IGSF22: variants seen among roughly 807,000 people sequenced by gnomAD.
IGSF22 encodes the protein immunoglobulin superfamily member 22.
A neutral mutation model predicts 127.0 loss-of-function variants in IGSF22; 119 were observed. The ratio of observed to expected loss-of-function variants is 0.94; its 90% CI spans 0.81 to 1.09. IGSF22 has a LOEUF of 1.09. Ranked by LOEUF, IGSF22 falls within the 50% of genes least tolerant of loss-of-function variation. The pLI, the probability that IGSF22 is intolerant of heterozygous loss-of-function variation, is 0.00. For synonymous variants in IGSF22, 568 were observed against 664.7 expected, an observed-to-expected ratio of 0.85 and a Z score of 2.24; for missense variants, 1,518 against 1,716.6, an observed-to-expected ratio of 0.88 and a Z score of 2.04.
chr11:18,717,938 T>G lies in IGSF22; in HGVS notation c.966A>C (p.Thr322=). 6.2e-7 allele frequency: 1 copy of G among 1,613,876 alleles called. No homozygotes were observed. Residue 322 remains threonine, a synonymous_variant, in exon 9 of 23, where the codon ACA becomes ACC. Transcript: ENST00000513874. ...GCATGCCCCCACTCATACCCAGCAC[T>G]GTGAGCTCTGCACTCATCCGCTTAT... is the stretch of plus-strand genomic sequence containing the variant. ...VGDKRMSAEL[T]VLDEPLKFLG...
rs374750877 is a variant in IGSF22 at position 18,712,224 on chromosome 11, G to A, written c.2256C>T (p.Gly752=). The change falls in exon 15 of 23, where the codon GGC becomes GGT. Residue 752 remains glycine, a synonymous_variant. Coordinates refer to ENST00000513874, the MANE Select transcript of IGSF22 (RefSeq NM_173588.4). ...AVGKKSWIKI[G]EVDGKVTNFS... ...AGTTGGTGACTTTGCCGTCCACCTC[G>A]CCTATCTTAATCCAGGACTTCTTGC... The A allele has an allele frequency of 9.8e-5, 152 of 1,551,504 alleles. 1 individual carries two copies. Among genetic ancestry groups the A allele is most frequent in the Middle Eastern group, 6.7e-4 (4 of 6,014 alleles).
intron 2 of IGSF22, 64 bp downstream of exon 2, chr11:18,724,064 G>A: frequency 7.4e-7 from 1 of 1,346,712 alleles, no homozygotes; most frequent in Non-Finnish European, 1.1e-6. Context: ...GGCCACCCAA[G>A]GGATGGGTGT....
chr11:18,719,957 C>G (rs1467089062), intron 6 of IGSF22, 64 bp from the exon 7 acceptor site: 2 of 1,610,632 alleles, frequency 1.2e-6, no homozygotes, highest in Admixed American at 3.3e-5. Context: ...GAAACCCCTC[C>G]CTACTCCATG....
chr11:18,725,196 C>T (rs1244305572), intron 1 of IGSF22, among the ~76,000 whole-genome samples: 1 of 151,944 alleles, frequency 6.6e-6, no homozygotes. Context: ...TGGGTGATCT[C>T]GGCTCATTGC....
chr11:18,708,121 G>C, intron 19 of IGSF22, 86 bp downstream of exon 19: 3 of 1,509,614 alleles, frequency 2.0e-6, no homozygotes, highest in Non-Finnish European at 2.7e-6. Context: ...GGCAGAGTCA[G>C]AGTCAGAGTC....
In IGSF22 at chr11:18,719,859, C is replaced by A. The variant is rs1848536716; in HGVS notation, c.553G>T (p.Val185Leu). ...PPAPKKKQKK[V>L]ANEKEMLEIL... ...TCCAGCATCTCTTTCTCATTTGCCA[C>A]CTTCTTCTGCTTCTTCTTGGGAGCA... Residue 185 changes from valine to leucine, a missense_variant, in exon 7 of 23, where the codon GTG becomes TTG. Around this residue, in one of 3 missense-constraint regions of IGSF22, gnomAD observed 1,456 missense variants for 1,644.9 expected, o/e 0.89. Transcript: ENST00000513874. 1 of 1,614,202 alleles carries A rather than the reference C, an allele frequency of 6.2e-7. No homozygotes were observed. The highest frequency in any genetic ancestry group is 8.5e-7 in the Non-Finnish European group (1 of 1,180,030).
chr11:18,710,720 T>G lies in IGSF22; in HGVS notation c.2507A>C (p.Tyr836Ser). ...GCCTTTCTTCCTTCGTTCTACAATG[T>G]AGCCGAGCACTGGGGCTCCCCCATC... Reference protein sequence around the residue: ...TQDGGAPVLGYIVERRKKGSN... With the variant: ...TQDGGAPVLGSIVERRKKGSN... Residue 836 changes from tyrosine to serine, a missense_variant, in exon 16 of 23, where the codon TAC becomes TCC. Physicochemically the swap from Tyr to Ser is moderately radical, Grantham distance 144 (BLOSUM62 -2). Around this residue, in one of 3 missense-constraint regions of IGSF22, gnomAD observed 1,456 missense variants for 1,644.9 expected, o/e 0.89. Transcript: ENST00000513874. The G allele has an allele frequency of 6.8e-6, 11 of 1,614,186 alleles. No homozygotes were observed. The highest frequency in any genetic ancestry group is 9.3e-6 in the Non-Finnish European group (11 of 1,180,000).
rs1339986853 is a variant in IGSF22 at position 18,706,051 on chromosome 11, G to A, written c.3676C>T (p.Arg1226Cys). 2 of 1,551,300 alleles carry A rather than the reference G, an allele frequency of 1.3e-6. No homozygotes were observed. Among genetic ancestry groups the A allele is most frequent in the South Asian group, 1.2e-5 (1 of 84,068 alleles). The change falls in exon 22 of 23, where the codon CGC becomes TGC. Residue 1226 changes from arginine to cysteine, a missense_variant. Arg to Cys is a radical substitution (Grantham distance 180). This residue lies in a region of IGSF22 where 1,456 missense variants were observed against 1,644.9 expected (regional missense o/e 0.89). Coordinates refer to ENST00000513874, the MANE Select transcript of IGSF22 (RefSeq NM_173588.4). Reference protein sequence around the residue: ...VTPLKPHTVLRGQDCTMTCAF... With the variant: ...VTPLKPHTVLCGQDCTMTCAF... ...CAGGTCATGGTGCAGTCCTGGCCGC[G>A]GAGCACCGTGTGTGGCTTGAGGGGC...
At chr11:18,718,586 A>G (rs753227744) in intron 8 of IGSF22, 29 bp downstream of exon 8, 1 of 1,273,076 alleles carries the variant, frequency 7.9e-7, no homozygotes. Flanking sequence ...AGATATTGCC[A>G]AGGTGGACCC....
In IGSF22 at chr11:18,712,245, C is replaced by A; in HGVS notation, c.2235G>T (p.Lys745Asn). ...QFIVERRAVG[K>N]KSWIKIGEVD... ...CCTCGCCTATCTTAATCCAGGACTT[C>A]TTGCCAACTGCCCTCCGTTCCACTA... is the stretch of plus-strand genomic sequence containing the variant. Residue 745 changes from lysine (K) to asparagine (N), a missense_variant, in exon 15 of 23, where the codon AAG (lysine) becomes AAT (asparagine). Coordinates refer to ENST00000513874, the MANE Select transcript of IGSF22 (RefSeq NM_173588.4). The A allele has an allele frequency of 6.4e-7, 1 of 1,551,786 alleles. No homozygotes were observed. The highest frequency in any genetic ancestry group is 1.2e-5 in the South Asian group (1 of 84,058).
chr11:18,712,998 C>T (rs1380128035), intron 14 of IGSF22, among the ~76,000 whole-genome samples: 1 of 152,088 alleles, frequency 6.6e-6, no homozygotes, highest in Non-Finnish European at 1.5e-5. Flanking sequence ...AATCCCAAAT[C>T]CCATTCCCAA....
intron 1 of IGSF22, 93 bp from the exon 2 acceptor site, chr11:18,724,362 G>A (rs983003703): frequency 3.1e-6 from 2 of 652,698 alleles, no homozygotes; most frequent in South Asian, 1.9e-5. Context: ...AGAGGAGATG[G>A]AAGCACACAG....
At chr11:18,722,637 T>C (rs974682113) in intron 2 of IGSF22, among the ~76,000 whole-genome samples, 1 of 152,248 alleles carries the variant, frequency 6.6e-6, no homozygotes, top group Non-Finnish European at 1.5e-5. Context: ...AAAACTGTTT[T>C]TGCAGTATAA....
intron 9 of IGSF22, 81 bp downstream of exon 9, chr11:18,717,850 C>A: frequency 6.8e-7 from 1 of 1,468,602 alleles, no homozygotes; most frequent in African/African-American, 1.4e-5. Flanking sequence ...TCTTCAATAT[C>A]CCCATGGATC....
chr11:18,717,501 C>T (rs1403436062), intron 9 of IGSF22, among the ~76,000 whole-genome samples: 1 of 152,124 alleles, frequency 6.6e-6, no homozygotes, highest in Non-Finnish European at 1.5e-5. Context: ...GATCATGGCT[C>T]ACTGCAGCCT....
chr11:18,724,263 TG>T lies in IGSF22; in HGVS notation c.-28del. 2.6e-6 allele frequency: 4 copies of T among 1,544,110 alleles called. No homozygotes were observed. The highest frequency in any genetic ancestry group is 3.6e-6 in the Non-Finnish European group (4 of 1,117,516). On this transcript the variant is annotated 5_prime_UTR_variant, in exon 2 of 23. Transcript: ENST00000513874. ...GTGACAGCAGGCGTGGGCACTCACC[TG>T]TGAGACTGGGGAAGAGGATGAGGCC... is the stretch of plus-strand genomic sequence containing the variant.
chr11:18,714,039 CAGTGGTTTT>C lies in IGSF22; in HGVS notation c.1899_1907del (p.Lys634_Leu636del). 1 of 1,614,292 alleles carries C rather than the reference CAGTGGTTTT, an allele frequency of 6.2e-7. No individual in the cohort carries two copies. Among genetic ancestry groups the C allele is most frequent in the Non-Finnish European group, 8.5e-7 (1 of 1,180,058 alleles). ...CATCCTTGTACCATGTCACTTTGGGCAGTGGTTTTCCCCGGAAGGGGACCTTGATGTGGG... is the reference window on the plus strand; with the variant it reads ...CATCCTTGTACCATGTCACTTTGGGCCCCCGGAAGGGGACCTTGATGTGGG... On this transcript the variant is annotated inframe_deletion, in exon 14 of 23. Transcript: ENST00000513874.
rs115037256 is a variant in IGSF22, at chr11:18,706,541, G to C, written c.3580+373C>G. The C allele has an allele frequency of 9.6e-3, 3,325 of 346,242 alleles. 77 individuals are homozygous for C. Among genetic ancestry groups the C allele is most frequent in the African/African-American group, 0.063 (3,004 of 47,576 alleles). 21.4% of individuals were successfully genotyped at this position (346,242 alleles called of 1,614,324 possible). A position where few individuals can be genotyped will look rare whatever the true frequency, so the allele number is the denominator to read the frequency against. On this transcript the variant is annotated intron_variant, in intron 21 of 22. Transcript: ENST00000513874. Reference sequence around the variant, plus strand: ...AGCTCCTCAGTTCGAGTTTCCCGACGCGGCCCCCACCCTTAACCCCTAGCC... The same window carrying C: ...AGCTCCTCAGTTCGAGTTTCCCGACCCGGCCCCCACCCTTAACCCCTAGCC...
In IGSF22 at chr11:18,707,053, CT is replaced by C. The variant is rs1483729457; in HGVS notation, c.3440del (p.Glu1147GlyfsTer10). On this transcript the variant is annotated frameshift_variant, in exon 21 of 23. Coordinates refer to ENST00000513874, the MANE Select transcript of IGSF22 (RefSeq NM_173588.4). LOFTEE classifies it high-confidence loss of function. ...CTGTGTACTTGTTGCTGAAGACACG[CT>C]CGGCTGCCGTGTACCAGGTGGCTGT... Reference protein sequence around the residue: ...ASTATWYTAAERVFSNKYTVT... With the variant: ...ASTATWYTAAXRVFSNKYTVT... The C allele has an allele frequency of 2.4e-5, 38 of 1,551,578 alleles. No individual in the cohort carries two copies. Among genetic ancestry groups the C allele is most frequent in the Non-Finnish European group, 2.0e-5 (23 of 1,146,994 alleles).
Sources: allele counts gnomAD v4.1 joint callset (sites outside exome capture counted in the v4.1 genomes callset), GRCh38; gene constraint gnomAD v4.1.1; regional missense constraint gnomAD v4.1.1; transcripts MANE v1.5; gene names NCBI Gene and HGNC (gene_info 2026-07-23, HGNC 2026-07-21).